Variants in NAV2 observed in about 807,000 individuals in gnomAD.
NAV2 encodes helicase, APC down-regulated 1.
NAV2 carries 54 observed loss-of-function variants against 223.2 expected under a neutral mutation model. The ratio of observed to expected loss-of-function variants is 0.24; its 90% CI spans 0.19 to 0.30. The LOEUF (loss-of-function observed/expected upper bound fraction) is 0.30. NAV2 is among the 10% of genes least tolerant of loss of function. The pLI is 1.00. For missense variants in NAV2, 2,806 were observed against 3,147.5 expected (o/e 0.89, Z 2.60); for synonymous variants, 1,279 against 1,239.3 (o/e 1.03, Z -0.67).
upstream of NAV2, among the ~76,000 whole-genome samples, chr11:19,349,291 C>T (rs999387394): frequency 6.6e-5 from 10 of 152,248 alleles, no homozygotes; most frequent in Non-Finnish European, 1.5e-4. Context: ...CACATCCCCT[C>T]TGCTGCTTCT....
intron 22 of NAV2, among the ~76,000 whole-genome samples, chr11:20,073,880 C>T (rs1246665520): frequency 5.3e-5 from 8 of 152,152 alleles, no homozygotes; most frequent in African/African-American, 1.7e-4. Context: ...TTTCAAAAAA[C>T]GACCTCCTGG....
chr11:19,897,079 T>A (rs998878118), intron 6 of NAV2, among the ~76,000 whole-genome samples: 1 of 152,056 alleles, frequency 6.6e-6, no homozygotes, highest in African/African-American at 2.4e-5. Context: ...TCATGTCCTT[T>A]GTAGGGACAT....
intron 1 of NAV2, among the ~76,000 whole-genome samples, chr11:19,487,231 T>G (rs551423994): frequency 3.5e-4 from 54 of 152,226 alleles, no homozygotes; most frequent in Non-Finnish European, 6.5e-4. Flanking sequence ...ACTCATCACT[T>G]GCAAGGTCAC....
At chr11:19,491,713 T>C (rs957588293) in intron 1 of NAV2, among the ~76,000 whole-genome samples, 1 of 152,244 alleles carries the variant, frequency 6.6e-6, no homozygotes, top group Admixed American at 6.5e-5. Context: ...AATAACACTT[T>C]TAACTTCCTT....
chr11:19,813,792 A>G (rs1019025152), intron 1 of NAV2, among the ~76,000 whole-genome samples: 5 of 152,158 alleles, frequency 3.3e-5, no homozygotes, highest in African/African-American at 1.2e-4. Flanking sequence ...CCATGCCTGT[A>G]AGCATCAACT....
At chr11:19,363,754 T>G (rs1854098619) in intron 1 of NAV2, among the ~76,000 whole-genome samples, 1 of 152,184 alleles carries the variant, frequency 6.6e-6, no homozygotes, top group Admixed American at 6.5e-5. Context: ...TACCTCTCAC[T>G]GAAAGTTCCC....
chr11:19,387,476 G>A (rs113283025), intron 1 of NAV2, among the ~76,000 whole-genome samples: 30 of 152,278 alleles, frequency 2.0e-4, no homozygotes, highest in African/African-American at 7.2e-4. Context: ...AAGATGCTGA[G>A]TCTCACCACC....
At chr11:19,609,793 T>G (rs2046585164) in intron 1 of NAV2, among the ~76,000 whole-genome samples, 1 of 152,184 alleles carries the variant, frequency 6.6e-6, no homozygotes, top group Non-Finnish European at 1.5e-5. Context: ...TACTCTACAC[T>G]CAAAGCTTGA....
intron 1 of NAV2, among the ~76,000 whole-genome samples, chr11:19,610,485 C>G (rs948128994): frequency 1.3e-5 from 2 of 152,186 alleles, no homozygotes; most frequent in Admixed American, 6.5e-5. Context: ...TTTGAAGTCT[C>G]AGAAATCTCT....
At chr11:19,890,695 A>C (rs1311486223) in intron 5 of NAV2, among the ~76,000 whole-genome samples, 1 of 152,208 alleles carries the variant, frequency 6.6e-6, no homozygotes, top group Non-Finnish European at 1.5e-5. Context: ...GTGAGTAATC[A>C]GATAACACTG....
intron 4 of NAV2, among the ~76,000 whole-genome samples, chr11:19,877,456 G>A (rs558033125): frequency 8.3e-6 from 1 of 120,990 alleles, no homozygotes; most frequent in East Asian, 2.6e-4. Context: ...GACCTTGCTT[G>A]GCTTATCTTC....
chr11:19,935,854 T>TCTTTTTTTTG (rs1565594494), intron 7 of NAV2, among the ~76,000 whole-genome samples: 7 of 93,830 alleles, frequency 7.5e-5, no homozygotes, highest in African/African-American at 2.6e-4. Context: ...TGTTTCTGTT[T>TCTTTTTTTTG]TTTTTTTTTT....
At chr11:19,787,155 A>G (rs565000301) in intron 1 of NAV2, among the ~76,000 whole-genome samples, 1 of 151,840 alleles carries the variant, frequency 6.6e-6, no homozygotes, top group East Asian at 1.9e-4. Context: ...CAGTGGTACC[A>G]TCATAGCTCA....
chr11:19,406,197 C>T (rs1019814314), intron 1 of NAV2, among the ~76,000 whole-genome samples: 6 of 152,100 alleles, frequency 3.9e-5, no homozygotes, highest in African/African-American at 1.4e-4. Context: ...TGGTAGCCTG[C>T]TAAGCTTGTG....
chr11:19,464,875 A>C (rs1852295380), intron 1 of NAV2, among the ~76,000 whole-genome samples: 1 of 152,230 alleles, frequency 6.6e-6, no homozygotes, highest in Admixed American at 6.5e-5. Context: ...GGAGCATTTA[A>C]TTTGAAGATA....
chr11:19,364,090 C>A (rs370401321), intron 1 of NAV2, among the ~76,000 whole-genome samples: 7 of 152,204 alleles, frequency 4.6e-5, no homozygotes, highest in African/African-American at 1.4e-4. Flanking sequence ...AAAGTTCCAA[C>A]CCTAATCACA....
At chr11:19,471,844 T>C (rs1211310682) in intron 1 of NAV2, among the ~76,000 whole-genome samples, 1 of 152,150 alleles carries the variant, frequency 6.6e-6, no homozygotes, top group Non-Finnish European at 1.5e-5. Flanking sequence ...GCTGCTCCAA[T>C]TGACTTCACC....
At chr11:19,831,243 T>TGGGGGGGGGGGGGG (rs1565392533) in intron 1 of NAV2, among the ~76,000 whole-genome samples, 2 of 1,868 alleles carry the variant, frequency 1.1e-3, no homozygotes, top group African/African-American at 2.3e-3. Context: ...GGGGGCGCGA[T>TGGGGGGGGGGGGGG]GGGGAGTGGG....
intron 1 of NAV2, among the ~76,000 whole-genome samples, chr11:19,703,030 T>C (rs2049554792): frequency 1.3e-5 from 2 of 151,528 alleles, no homozygotes; most frequent in African/African-American, 2.4e-5. Context: ...TCTTTTTCCT[T>C]CTCTTTATAA....
Sources: gnomAD v4.1 joint callset for allele counts (sites outside exome capture counted in the v4.1 genomes callset) on GRCh38, gnomAD v4.1.1 for gene constraint, MANE v1.5 for transcripts, NCBI Gene and HGNC (gene_info 2026-07-23, HGNC 2026-07-21) for gene names.